Variants in TTC27 observed in about 807,000 individuals in gnomAD.
The protein encoded by TTC27 is tetratricopeptide repeat protein 27.
TTC27 carries 79 observed loss-of-function variants against 115.9 expected under a neutral mutation model. The ratio of observed to expected loss-of-function variants is 0.68; its 90% CI spans 0.57 to 0.82. The LOEUF is 0.82. TTC27 is among the 40% of genes least tolerant of loss of function. TTC27 has a pLI of 0.00. For missense variants in TTC27, 1,054 were observed against 993.1 expected (o/e 1.06, Z -0.82); for synonymous variants, 401 against 356.0 (o/e 1.13, Z -1.42).
intron 9 of TTC27, among the ~76,000 whole-genome samples, chr2:32,697,307 C>T (rs1471105415): frequency 6.6e-6 from 1 of 152,128 alleles, no homozygotes; most frequent in Non-Finnish European, 1.5e-5. Context: ...CTCTTATTAT[C>T]AAGGCTGAAA....
intron 10 of TTC27, among the ~76,000 whole-genome samples, chr2:32,723,205 C>G (rs1281872740): frequency 6.6e-6 from 1 of 152,184 alleles, no homozygotes; most frequent in African/African-American, 2.4e-5. Context: ...AACTTAAGTT[C>G]TTTGGACAAG....
chr2:32,756,041 A>T (rs1055464754), intron 12 of TTC27, among the ~76,000 whole-genome samples: 1 of 152,206 alleles, frequency 6.6e-6, no homozygotes, highest in Non-Finnish European at 1.5e-5. Flanking sequence ...TCTGTCTTCA[A>T]ACCCAACCAG....
intron 16 of TTC27, among the ~76,000 whole-genome samples, chr2:32,798,550 C>G (rs1670797258): frequency 6.7e-6 from 1 of 150,338 alleles, no homozygotes; most frequent in Admixed American, 6.6e-5. Context: ...AAAAATACAA[C>G]AAAAATTAGC....
At chr2:32,661,431 C>G (rs1665544331) in intron 5 of TTC27, among the ~76,000 whole-genome samples, 1 of 152,058 alleles carries the variant, frequency 6.6e-6, no homozygotes, top group Non-Finnish European at 1.5e-5. Context: ...TGTTTGTGCC[C>G]TCTCTTATTT....
intron 16 of TTC27, among the ~76,000 whole-genome samples, chr2:32,791,750 C>A (rs1670545973): frequency 6.6e-6 from 1 of 152,060 alleles, no homozygotes; most frequent in South Asian, 2.1e-4. Flanking sequence ...TGGGATGTGC[C>A]TACAGCCCCA....
chr2:32,668,657 A>G (rs978578331), intron 7 of TTC27, among the ~76,000 whole-genome samples: 7 of 150,440 alleles, frequency 4.7e-5, no homozygotes, highest in Non-Finnish European at 5.9e-5. Flanking sequence ...CCTGGGCTCA[A>G]GCAATCTTCT....
rs1666209012 is a variant in TTC27, at chr2:32,676,468, TAAG to T, written c.1053-2386_1053-2384del. 2.0e-5 allele frequency among the ~76,000 whole-genome samples: 3 copies of T among 150,230 alleles called. No individual in the cohort carries two copies. The South Asian group carries it at 6.3e-4, about 32-fold the overall frequency. ...AATTATAGGGATATGTTATATTTTA[TAAG>T]ACAGTGTTTTCTTTTCATTCTGTTT... is the stretch of plus-strand genomic sequence containing the variant. On this transcript the variant is annotated intron_variant, in intron 8 of 19. Transcript: ENST00000317907.
At chr2:32,704,406 T>C (rs573628358) in intron 10 of TTC27, among the ~76,000 whole-genome samples, 76 of 152,266 alleles carry the variant, frequency 5.0e-4, no homozygotes, top group Non-Finnish European at 2.1e-4. Flanking sequence ...TAGGCTGCTC[T>C]TGAACTCCTG....
chr2:32,630,764 G>A, intron 2 of TTC27, 64 bp downstream of exon 2: 3 of 1,454,226 alleles, frequency 2.1e-6, no homozygotes, highest in Non-Finnish European at 2.8e-6. Context: ...CACCTTGACA[G>A]GGTAAGGCCC....
intron 10 of TTC27, among the ~76,000 whole-genome samples, chr2:32,705,258 T>C (rs1460866800): frequency 6.6e-6 from 1 of 152,174 alleles, no homozygotes; most frequent in Non-Finnish European, 1.5e-5. Context: ...GCCATGACTA[T>C]AAGCTTCCTG....
chr2:32,664,637 A>G (rs963098344), intron 6 of TTC27, among the ~76,000 whole-genome samples, 170 bp downstream of exon 6: 2 of 152,140 alleles, frequency 1.3e-5, no homozygotes, highest in Non-Finnish European at 2.9e-5. Flanking sequence ...ATTTGAAATG[A>G]TATATTTTCC....
intron 7 of TTC27, among the ~76,000 whole-genome samples, chr2:32,668,061 G>T (rs1387555196): frequency 1.3e-5 from 2 of 151,880 alleles, no homozygotes; most frequent in East Asian, 3.9e-4. Flanking sequence ...CGTGGTGGCG[G>T]GTGCCTGTAG....
chr2:32,745,558 A>ATGTC (rs1452272613), intron 12 of TTC27, among the ~76,000 whole-genome samples: 1 of 152,088 alleles, frequency 6.6e-6, no homozygotes, highest in Non-Finnish European at 1.5e-5. Flanking sequence ...AGCAACTGTG[A>ATGTC]TGTCCACTGT....
At chr2:32,635,192 A>C (rs1218930539) in intron 3 of TTC27, 2 of 152,388 alleles carry the variant, frequency 1.3e-5, no homozygotes, top group East Asian at 3.9e-4. Context: ...GGCTAGTATG[A>C]GATGATCTAC....
At chr2:32,777,301 C>T (rs1462205028) in intron 13 of TTC27, among the ~76,000 whole-genome samples, 1 of 152,238 alleles carries the variant, frequency 6.6e-6, no homozygotes, top group Non-Finnish European at 1.5e-5. Flanking sequence ...CCTCAGAATG[C>T]ATGGGGGATT....
chr2:32,764,493 C>CT (rs1417239473), intron 13 of TTC27, among the ~76,000 whole-genome samples: 1 of 152,164 alleles, frequency 6.6e-6, no homozygotes, highest in African/African-American at 2.4e-5. Context: ...GAGTTATCAT[C>CT]TTTTTGCTGG....
intron 9 of TTC27, among the ~76,000 whole-genome samples, chr2:32,696,231 G>A (rs976829213): frequency 2.9e-4 from 44 of 151,536 alleles, no homozygotes; most frequent in African/African-American, 9.7e-4. Context: ...TTTTTAAAGC[G>A]GATTGATACT....
intron 10 of TTC27, among the ~76,000 whole-genome samples, chr2:32,732,755 C>G (rs1228860648): frequency 6.6e-6 from 1 of 152,110 alleles, no homozygotes; most frequent in Non-Finnish European, 1.5e-5. Flanking sequence ...AATATGAGAA[C>G]GACATTCTCC....
chr2:32,644,324 C>T (rs368379297), intron 4 of TTC27, among the ~76,000 whole-genome samples: 171 of 150,276 alleles, frequency 1.1e-3, no homozygotes, highest in African/African-American at 3.8e-3. Flanking sequence ...GCACTCCAGC[C>T]GAGGCGACAG....
Sources: allele counts gnomAD v4.1 joint callset (sites outside exome capture counted in the v4.1 genomes callset), GRCh38; gene constraint gnomAD v4.1.1; transcripts MANE v1.5; gene names NCBI Gene and HGNC (gene_info 2026-07-23, HGNC 2026-07-21).